The following HID1 variants were observed in gnomAD, a reference collection of about 807,000 sequenced individuals.
The protein encoded by HID1 is HID1 domain containing, also known as protein HID1.
In HID1, 42 loss-of-function variants were observed where a neutral mutation model predicts 89.7. That is an observed-to-expected ratio of 0.47 (90% CI 0.37 to 0.61). The LOEUF is 0.61. Ranked by LOEUF, HID1 falls within the 20% of genes least tolerant of loss-of-function variation. The pLI, the probability that HID1 is intolerant of heterozygous loss-of-function variation, is 0.00. For synonymous variants in HID1, 442 were observed against 433.8 expected, an observed-to-expected ratio of 1.02 and a Z score of -0.24; for missense variants, 854 against 1,039.3, an observed-to-expected ratio of 0.82 and a Z score of 2.45.
In HID1 at chr17:74,972,476, C is replaced by T. The variant is rs1296486057; in HGVS notation, c.66+115G>A. On this transcript the variant is annotated intron_variant, in intron 1 of 18. Transcript: ENST00000425042. This position sits in a 1 kb window ranked among gnomAD's most constrained non-coding sequence, Gnocchi z 6.4. ...CGTTCCGGCGCTGGCCTTGGCGTTA[C>T]GCTCGGGGCCCGCCCGTCCCCCCAT... 4.9e-6 allele frequency: 5 copies of T among 1,012,518 alleles called. No homozygotes were observed. The highest frequency in any genetic ancestry group is 7.1e-6 in the Non-Finnish European group (5 of 706,218). 62.7% of individuals were successfully genotyped at this position (1,012,518 alleles called of 1,614,324 possible). A position where few individuals can be genotyped will look rare whatever the true frequency, so the allele number is the denominator to read the frequency against.
intron 13 of HID1, 86 bp downstream of exon 13, chr17:74,955,706 G>A (rs1394810918): frequency 6.9e-6 from 9 of 1,312,184 alleles, no homozygotes; most frequent in African/African-American, 1.5e-5. Flanking sequence ...ACCTCCCAGA[G>A]GCCACCTCCT....
intron 13 of HID1, 24 bp from the exon 14 acceptor site, chr17:74,954,389 C>A: frequency 6.4e-7 from 1 of 1,551,966 alleles, no homozygotes; most frequent in East Asian, 2.4e-5. Context: ...GCATGCCTCG[C>A]CTCAGGGAGG....
chr17:74,958,540 T>C lies in HID1; in HGVS notation c.1241-62A>G. ...GAGGGGGAAGGAGGGGCCCAGGCAGTGACCATTTTGGAGGCCTCCCTCCTA... is the reference window on the plus strand; with the variant it reads ...GAGGGGGAAGGAGGGGCCCAGGCAGCGACCATTTTGGAGGCCTCCCTCCTA... On this transcript the variant is annotated intron_variant, in intron 10 of 18. Transcript: ENST00000425042. This position sits in a 1 kb window ranked among gnomAD's most constrained non-coding sequence, Gnocchi z 5.2. 6.3e-7 allele frequency: 1 copy of C among 1,577,928 alleles called. No homozygotes were observed. Among genetic ancestry groups the C allele is most frequent in the Non-Finnish European group, 8.6e-7 (1 of 1,161,456 alleles).
In HID1 at chr17:74,972,673, C is replaced by T. The variant is rs547025477; in HGVS notation, c.-17G>A. On this transcript the variant is annotated 5_prime_UTR_variant, in exon 1 of 19. Transcript: ENST00000425042. The surrounding 1 kb of genome is among the most constrained non-coding windows in gnomAD (Gnocchi z 6.4). ...CGACCCCATGTCTCTGGAGCCCGCTCCGGCCCGGCCCCCGCCCAGACTCCA... is the reference window on the plus strand; with the variant it reads ...CGACCCCATGTCTCTGGAGCCCGCTTCGGCCCGGCCCCCGCCCAGACTCCA... The T allele has an allele frequency of 5.9e-5, 91 of 1,534,792 alleles. 1 individual carries two copies. In the South Asian group the frequency reaches 1.0e-3, roughly 17 times the overall value.
At chr17:74,953,693 T>G (rs1567957091) in intron 14 of HID1, 42 bp from the exon 15 acceptor site, 1 of 1,500,058 alleles carries the variant, frequency 6.7e-7, no homozygotes, top group Non-Finnish European at 9.3e-7. Flanking sequence ...CCTGCCACAG[T>G]GACCCTTCTA....
chr17:74,956,040 C>T lies in HID1; in HGVS notation c.1472-84G>A, dbSNP rs1567958690. On this transcript the variant is annotated intron_variant, in intron 12 of 18. Transcript: ENST00000425042. ...CTGGGCCGGGGTGGAACAACAGGCT[C>T]CTGCTCTCAATCCCTCCCTGCCCCC... The T allele has an allele frequency of 5.7e-6, 8 of 1,396,846 alleles. No individual in the cohort carries two copies. In the East Asian group the frequency reaches 1.8e-4, roughly 32 times the overall value. The allele number at this position is 1,396,846 out of a possible 1,614,324, so 86.5% of individuals were successfully genotyped here.
Position 74,959,190 on chromosome 17 carries a change from A to G in HID1, c.1009-139T>C. On this transcript the variant is annotated intron_variant, in intron 8 of 18. Coordinates refer to ENST00000425042, the MANE Select transcript of HID1 (RefSeq NM_030630.3). The surrounding 1 kb of genome is among the most constrained non-coding windows in gnomAD (Gnocchi z 4.6). ...TCCAGAGCCAGAGGGCCCAGATGCT[A>G]TCACCCATAGCTGTCCTGGGGCGAT... is the stretch of plus-strand genomic sequence containing the variant. 1 of 1,010,132 alleles carries G rather than the reference A, an allele frequency of 9.9e-7. No individual in the cohort carries two copies. The highest frequency in any genetic ancestry group is 1.4e-6 in the Non-Finnish European group (1 of 722,766). 62.6% of individuals were successfully genotyped at this position (1,010,132 alleles called of 1,614,324 possible).
intron 6 of HID1, 134 bp from the exon 7 acceptor site, chr17:74,960,382 A>G (rs2039461351): frequency 2.7e-6 from 2 of 754,678 alleles, no homozygotes; most frequent in Admixed American, 2.6e-5. Flanking sequence ...TGGCTTGGAA[A>G]GAGTGGGTGT....
intron 6 of HID1, 32 bp downstream of exon 6, chr17:74,961,841 A>G: frequency 2.2e-6 from 3 of 1,341,532 alleles, no homozygotes; most frequent in South Asian, 1.5e-5. Flanking sequence ...AATAAGAGGG[A>G]AGAGAGCGCA....
chr17:74,965,082 G>A (rs1033379155), intron 1 of HID1, among the ~76,000 whole-genome samples: 5 of 152,208 alleles, frequency 3.3e-5, no homozygotes, highest in Admixed American at 6.5e-5. Flanking sequence ...CAGGATGCCC[G>A]CCACAGGCCT....
chr17:74,952,839 G>A (rs953705638), intron 16 of HID1, among the ~76,000 whole-genome samples, 167 bp downstream of exon 16: 1 of 152,218 alleles, frequency 6.6e-6, no homozygotes, highest in Non-Finnish European at 1.5e-5. Flanking sequence ...GTCACCAGCC[G>A]GAAGGACCGA....
At chr17:74,967,399 A>G (rs1316506143) in intron 1 of HID1, among the ~76,000 whole-genome samples, 1 of 150,780 alleles carries the variant, frequency 6.6e-6, no homozygotes, top group East Asian at 2.0e-4. Flanking sequence ...TTAGCCAGGC[A>G]TGGTGGCACA....
chr17:74,962,875 C>T lies in HID1; in HGVS notation c.504+90G>A. On this transcript the variant is annotated intron_variant, in intron 4 of 18. Coordinates refer to ENST00000425042, the MANE Select transcript of HID1 (RefSeq NM_030630.3). The surrounding 1 kb of genome is among the most constrained non-coding windows in gnomAD (Gnocchi z 4.3). ...TCCTGGAGCCCCCCGGCCCCCAGTG[C>T]AATCCGCCCAAGGGAACTTCAACTG... 1 of 911,870 alleles carries T rather than the reference C, an allele frequency of 1.1e-6. No individual in the cohort carries two copies. The highest frequency in any genetic ancestry group is 1.6e-5 in the South Asian group (1 of 64,124). The allele number at this position is 911,870 out of a possible 1,614,324, so 56.5% of individuals were successfully genotyped here. A position where few individuals can be genotyped will look rare whatever the true frequency, so the allele number is the denominator to read the frequency against.
chr17:74,961,843 G>A (rs768396201), intron 6 of HID1, 30 bp downstream of exon 6: 6 of 1,355,266 alleles, frequency 4.4e-6, no homozygotes, highest in Non-Finnish European at 6.0e-6. Context: ...TAAGAGGGAA[G>A]AGAGCGCAGA....
chr17:74,971,734 G>A (rs1567967673), intron 1 of HID1, among the ~76,000 whole-genome samples: 1 of 152,354 alleles, frequency 6.6e-6, no homozygotes, highest in East Asian at 1.9e-4. Flanking sequence ...GAAGGGGTGG[G>A]CAGAGAAGCA....
At chr17:74,952,936 C>A (rs930816607) in intron 16 of HID1, 70 bp downstream of exon 16, 9 of 1,260,780 alleles carry the variant, frequency 7.1e-6, no homozygotes, top group South Asian at 4.2e-5. Context: ...GAGCCCCAAC[C>A]CAGCTCCCGC....
chr17:74,961,260 A>G (rs922615495), intron 6 of HID1, among the ~76,000 whole-genome samples: 4 of 151,742 alleles, frequency 2.6e-5, no homozygotes, highest in African/African-American at 9.7e-5. Context: ...ATTATTAATT[A>G]TTGTATTTAT....
At chr17:74,967,408 C>T (rs1222740180) in intron 1 of HID1, among the ~76,000 whole-genome samples, 1 of 151,276 alleles carries the variant, frequency 6.6e-6, no homozygotes, top group Admixed American at 6.6e-5. Context: ...CATGGTGGCA[C>T]ATGCCTGTAA....
rs529971019 is a variant in HID1 at position 74,951,703 on chromosome 17, C to A, written c.2304-70G>T. ...AGACAAGGCACCAGGAGGAGCTGGGCAGCAGGAATGGCCAAGCCAACCCTT... is the reference window on the plus strand; with the variant it reads ...AGACAAGGCACCAGGAGGAGCTGGGAAGCAGGAATGGCCAAGCCAACCCTT... On this transcript the variant is annotated intron_variant, in intron 18 of 18. Coordinates refer to ENST00000425042, the MANE Select transcript of HID1 (RefSeq NM_030630.3). 4.6e-5 allele frequency: 69 copies of A among 1,509,394 alleles called. No individual in the cohort carries two copies. In the African/African-American group the frequency reaches 8.2e-4, roughly 18 times the overall value. 93.5% of individuals were successfully genotyped at this position (1,509,394 alleles called of 1,614,324 possible). A position where few individuals can be genotyped will look rare whatever the true frequency, so the allele number is the denominator to read the frequency against.
Sources: allele counts gnomAD v4.1 joint callset (sites outside exome capture counted in the v4.1 genomes callset), GRCh38; gene constraint gnomAD v4.1.1; non-coding constraint Gnocchi (gnomAD v3.1); transcripts MANE v1.5; gene names NCBI Gene and HGNC (gene_info 2026-07-23, HGNC 2026-07-21).